The following LRRC7 variants were observed in gnomAD, a reference collection of about 807,000 sequenced individuals.
LRRC7 encodes leucine rich repeat containing 7.
In LRRC7, 23 loss-of-function variants were observed where a neutral mutation model predicts 175.7. The ratio of observed to expected loss-of-function variants is 0.13; its 90% CI spans 0.09 to 0.19. The LOEUF is 0.19. LRRC7 is among the 10% of genes least tolerant of loss of function. The pLI is 1.00. For missense variants in LRRC7, 1,354 were observed against 1,904.7 expected (o/e 0.71, Z 5.38); for synonymous variants, 685 against 680.9 (o/e 1.01, Z -0.09).
At position 70,136,618 on chromosome 1, in the gene LRRC7, G is replaced by A. The variant is rs892228966; in HGVS notation, c.*14731G>A. Among the ~76,000 whole-genome samples, 6 of 151,648 alleles carry A rather than the reference G, an allele frequency of 4.0e-5. No individual in the cohort carries two copies. Among genetic ancestry groups the A allele is most frequent in the African/African-American group, 4.9e-5 (2 of 41,234 alleles). ...CACAAAAAGTCTAATAAATGCTATC[G>A]TGTAGGTACAAAATATGAGGAAAGA... On this transcript the variant is annotated 3_prime_UTR_variant, in exon 27 of 27. Coordinates refer to ENST00000651989, the MANE Select transcript of LRRC7 (RefSeq NM_001370785.2).
chr1:69,733,660 A>G (rs904904033), intron 2 of LRRC7, among the ~76,000 whole-genome samples: 2 of 152,032 alleles, frequency 1.3e-5, no homozygotes, highest in Non-Finnish European at 2.9e-5. Context: ...GTCATGCCCA[A>G]CATTGCTCTT....
At chr1:69,745,960 A>T (rs1669210912) in intron 2 of LRRC7, among the ~76,000 whole-genome samples, 3 of 152,100 alleles carry the variant, frequency 2.0e-5, no homozygotes, top group South Asian at 2.1e-4. Flanking sequence ...GAGTAGAATT[A>T]TGTGTCCAAA....
At chr1:69,842,228 A>C (rs1681806937) in intron 7 of LRRC7, among the ~76,000 whole-genome samples, 1 of 152,144 alleles carries the variant, frequency 6.6e-6, no homozygotes, top group Non-Finnish European at 1.5e-5. Flanking sequence ...CCACAGAAGT[A>C]ACATAACATC....
At chr1:69,748,826 C>T (rs1458611959) in intron 2 of LRRC7, among the ~76,000 whole-genome samples, 1 of 152,148 alleles carries the variant, frequency 6.6e-6, no homozygotes, top group Non-Finnish European at 1.5e-5. Context: ...TTCTGCTCTG[C>T]TCTTTTATTC....
chr1:69,707,703 A>C (rs1247537609), intron 2 of LRRC7, among the ~76,000 whole-genome samples: 3 of 152,150 alleles, frequency 2.0e-5, no homozygotes, highest in African/African-American at 7.2e-5. Flanking sequence ...AAACATGCAT[A>C]ATAAAAATGT....
chr1:69,916,075 TA>T (rs1646683741), intron 7 of LRRC7, among the ~76,000 whole-genome samples: 1 of 110,690 alleles, frequency 9.0e-6, no homozygotes, highest in African/African-American at 3.5e-5. Flanking sequence ...TTTATATATA[TA>T]ATATATATAT....
At chr1:69,665,506 G>A (rs963673585) in intron 1 of LRRC7, among the ~76,000 whole-genome samples, 3 of 151,958 alleles carry the variant, frequency 2.0e-5, no homozygotes, top group Non-Finnish European at 4.4e-5. Context: ...TTGTATTAAT[G>A]TTTTATAGTT....
At chr1:69,710,257 C>T (rs560927053) in intron 2 of LRRC7, among the ~76,000 whole-genome samples, 14 of 116,794 alleles carry the variant, frequency 1.2e-4, no homozygotes, top group East Asian at 7.4e-4. Context: ...CCAGCCTGGG[C>T]GACATAGCAA....
At chr1:69,621,036 C>CT (rs112924262) in intron 1 of LRRC7, among the ~76,000 whole-genome samples, 41 of 148,830 alleles carry the variant, frequency 2.8e-4, no homozygotes, top group Middle Eastern at 3.2e-3. Flanking sequence ...TTTCTTTCTT[C>CT]TTTTTTTTTT....
At chr1:69,839,567 C>T (rs1326251101) in intron 7 of LRRC7, among the ~76,000 whole-genome samples, 2 of 148,200 alleles carry the variant, frequency 1.3e-5, no homozygotes, top group Admixed American at 1.3e-4. Context: ...CTGAGTCCAT[C>T]CCTGATGCTT....
intron 7 of LRRC7, among the ~76,000 whole-genome samples, chr1:69,840,561 TCATAA>T (rs1316256793): frequency 8.5e-5 from 13 of 152,078 alleles, no homozygotes; most frequent in African/African-American, 2.9e-4. Flanking sequence ...TGTGCAAGAA[TCATAA>T]TATAACATAC....
At chr1:69,872,608 C>T (rs1332914407) in intron 7 of LRRC7, among the ~76,000 whole-genome samples, 1 of 152,004 alleles carries the variant, frequency 6.6e-6, no homozygotes, top group African/African-American at 2.4e-5. Context: ...CTCATATATA[C>T]ATTTATCATT....
intron 5 of LRRC7, among the ~76,000 whole-genome samples, chr1:69,829,157 A>C (rs1680260705): frequency 6.6e-6 from 1 of 151,982 alleles, no homozygotes; most frequent in Non-Finnish European, 1.5e-5. Context: ...AGCAGCAGAT[A>C]TTAGTATTAT....
At chr1:69,915,111 A>G (rs1938574) in intron 7 of LRRC7, among the ~76,000 whole-genome samples, 54,875 of 152,004 alleles carry the variant, frequency 0.36, 12,141 homozygotes, top group East Asian at 0.55. Flanking sequence ...TCCTCTAGTA[A>G]AAAGGGAGTG....
At chr1:70,009,997 A>C (rs1411182268) in intron 11 of LRRC7, among the ~76,000 whole-genome samples, 3 of 152,134 alleles carry the variant, frequency 2.0e-5, no homozygotes, top group Non-Finnish European at 4.4e-5. Context: ...CACTATCACC[A>C]GCCCCTCAGT....
chr1:70,046,184 C>T (rs1248378175), intron 22 of LRRC7, among the ~76,000 whole-genome samples: 1 of 152,012 alleles, frequency 6.6e-6, no homozygotes, highest in Non-Finnish European at 1.5e-5. Flanking sequence ...TAGATATATA[C>T]AGTATCTGAA....
intron 11 of LRRC7, among the ~76,000 whole-genome samples, chr1:70,007,223 A>G (rs1472190363): frequency 1.3e-5 from 2 of 152,176 alleles, no homozygotes; most frequent in Non-Finnish European, 2.9e-5. Context: ...GCCATAAGTC[A>G]TTTCATTAGC....
intron 1 of LRRC7, among the ~76,000 whole-genome samples, chr1:69,644,322 C>A (rs1238353033): frequency 6.6e-6 from 1 of 151,892 alleles, no homozygotes; most frequent in Admixed American, 6.6e-5. Context: ...TTGCTTCGTA[C>A]ATTTAGAATC....
intron 1 of LRRC7, among the ~76,000 whole-genome samples, chr1:69,676,476 AT>A (rs1659787820): frequency 6.6e-6 from 1 of 152,088 alleles, no homozygotes; most frequent in Non-Finnish European, 1.5e-5. Context: ...TGAGCATTCA[AT>A]TTTTTTAGTG....
Sources: gnomAD v4.1 joint callset for allele counts (sites outside exome capture counted in the v4.1 genomes callset) on GRCh38, gnomAD v4.1.1 for gene constraint, MANE v1.5 for transcripts, NCBI Gene and HGNC (gene_info 2026-07-23, HGNC 2026-07-21) for gene names.